The following MTCL2 variants were observed in gnomAD, a reference collection of about 807,000 sequenced individuals.
MTCL2 encodes the protein microtubule crosslinking factor 2.
chr20:36,826,292 G>C, the MTCL2 span, among the ~76,000 whole-genome samples: 2 of 91,422 alleles, frequency 2.2e-5, no homozygotes, highest in East Asian at 3.7e-4. Context: ...TTTCTTTTCT[G>C]TTTCCCCCCT....
the MTCL2 span, chr20:36,782,361 C>G: frequency 6.6e-6 from 1 of 152,298 alleles, no homozygotes; most frequent in Non-Finnish European, 1.5e-5. Flanking sequence ...CGGATTTGCA[C>G]AGCAAACAGG....
At chr20:36,820,723 T>G in the MTCL2 span, among the ~76,000 whole-genome samples, 1 of 151,926 alleles carries the variant, frequency 6.6e-6, no homozygotes, top group Admixed American at 6.6e-5. Context: ...GCACCTGTAA[T>G]CCCAGCTACT....
chr20:36,855,068 C>G, the MTCL2 span, among the ~76,000 whole-genome samples: 80,137 of 152,052 alleles, frequency 0.53, 22,746 homozygotes, highest in African/African-American at 0.71. Context: ...TGTCATCAAG[C>G]ACCCAGCTTA....
chr20:36,794,408 A>G, the MTCL2 span: 29 of 1,613,750 alleles, frequency 1.8e-5, no homozygotes, highest in Non-Finnish European at 2.5e-6. The surrounding 1 kb of genome is among the most constrained non-coding windows in gnomAD (Gnocchi z 5.4). Flanking sequence ...CAGGGCACCC[A>G]GGTGGTTGCA....
chr20:36,839,397 G>A, the MTCL2 span: 36 of 1,613,362 alleles, frequency 2.2e-5, no homozygotes, highest in South Asian at 1.2e-4. The surrounding 1 kb of genome is among the most constrained non-coding windows in gnomAD (Gnocchi z 5.1). Context: ...CCATATAGAC[G>A]TCCCGCATCT....
At chr20:36,860,003 T>C in the MTCL2 span, 4 of 1,035,092 alleles carry the variant, frequency 3.9e-6, no homozygotes, top group Non-Finnish European at 4.9e-6. Flanking sequence ...CCTCTATTTA[T>C]GGTCCACATT....
At chr20:36,820,643 A>G in the MTCL2 span, among the ~76,000 whole-genome samples, 1 of 152,104 alleles carries the variant, frequency 6.6e-6, no homozygotes, top group Non-Finnish European at 1.5e-5. Context: ...GGAGTTTGAG[A>G]CCAGCCTGGC....
chr20:36,852,077 G>C, the MTCL2 span, among the ~76,000 whole-genome samples: 1 of 152,158 alleles, frequency 6.6e-6, no homozygotes, highest in Non-Finnish European at 1.5e-5. Context: ...CAGGTTCCAG[G>C]GGCCCAACAA....
the MTCL2 span, among the ~76,000 whole-genome samples, chr20:36,841,582 T>C: frequency 6.6e-6 from 1 of 152,030 alleles, no homozygotes; most frequent in Non-Finnish European, 1.5e-5. Context: ...GCTCAGTGTG[T>C]CAAGGTACAG....
the MTCL2 span, chr20:36,797,101 T>C: frequency 2.7e-6 from 2 of 745,218 alleles, no homozygotes; most frequent in South Asian, 1.7e-5. Context: ...GGTCAGTTTC[T>C]GGCTGCCCTG....
At chr20:36,801,351 T>A in the MTCL2 span, among the ~76,000 whole-genome samples, 2 of 152,022 alleles carry the variant, frequency 1.3e-5, no homozygotes, top group African/African-American at 4.8e-5. Context: ...TGAACAGCTC[T>A]CCAGGAAAGA....
chr20:36,844,911 T>C, the MTCL2 span, among the ~76,000 whole-genome samples: 1 of 148,264 alleles, frequency 6.7e-6, no homozygotes, highest in Non-Finnish European at 1.5e-5. Context: ...TACCAGCTAC[T>C]AAGGCAGGAG....
the MTCL2 span, chr20:36,805,833 G>A: frequency 6.3e-7 from 1 of 1,586,636 alleles, no homozygotes; most frequent in Non-Finnish European, 8.6e-7. Context: ...AACAGGACCG[G>A]GAAGGGGCTG....
the MTCL2 span, among the ~76,000 whole-genome samples, chr20:36,848,652 C>T: frequency 4.1e-4 from 62 of 152,310 alleles, no homozygotes; most frequent in Non-Finnish European, 7.8e-4. Context: ...CACACGCAAA[C>T]AGGCAGGGGG....
At chr20:36,840,769 C>A in the MTCL2 span, among the ~76,000 whole-genome samples, 2 of 151,714 alleles carry the variant, frequency 1.3e-5, no homozygotes, top group African/African-American at 4.8e-5. Flanking sequence ...TGGCGTGAAC[C>A]CAGGAGGCGG....
At chr20:36,853,068 A>AG in the MTCL2 span, among the ~76,000 whole-genome samples, 1 of 151,956 alleles carries the variant, frequency 6.6e-6, no homozygotes, top group East Asian at 1.9e-4. Flanking sequence ...AAAAAAAAAA[A>AG]AAAAAAGGTC....
the MTCL2 span, among the ~76,000 whole-genome samples, chr20:36,837,546 ACATTATTATTATTAT>A: frequency 1.3e-4 from 18 of 135,048 alleles, no homozygotes; most frequent in Admixed American, 5.5e-4. Context: ...CATTTTACCC[ACATTATTATTATTAT>A]TATTATTATT....
the MTCL2 span, among the ~76,000 whole-genome samples, chr20:36,853,573 C>T: frequency 1.3e-5 from 2 of 152,222 alleles, no homozygotes; most frequent in East Asian, 3.9e-4. Flanking sequence ...ATTATTTTAT[C>T]CCCATTTCAC....
chr20:36,845,070 A>G, the MTCL2 span, among the ~76,000 whole-genome samples: 217 of 152,266 alleles, frequency 1.4e-3, no homozygotes, highest in African/African-American at 4.9e-3. Context: ...TAATCCATGC[A>G]TAATTACAAT....
Sources: allele counts gnomAD v4.1 joint callset (sites outside exome capture counted in the v4.1 genomes callset), GRCh38; gene constraint gnomAD v4.1.1; non-coding constraint Gnocchi (gnomAD v3.1); transcripts MANE v1.5; gene names NCBI Gene and HGNC (gene_info 2026-07-23, HGNC 2026-07-21).